The following ADGRL1 variants were observed in gnomAD, a reference collection of about 807,000 sequenced individuals.
ADGRL1 encodes adhesion G protein-coupled receptor L1.
A neutral mutation model predicts 148.9 loss-of-function variants in ADGRL1; 31 were observed. The observed-to-expected ratio is 0.21, with a 90% CI of 0.16 to 0.28. The LOEUF (loss-of-function observed/expected upper bound fraction) is 0.28, where lower values mean the gene tolerates loss of function less well. Ranked by LOEUF, ADGRL1 falls within the 10% of genes least tolerant of loss-of-function variation. ADGRL1 has a pLI of 1.00. For missense variants in ADGRL1, 1,521 were observed against 2,058.8 expected (o/e 0.74, Z 5.05); for synonymous variants, 937 against 900.3 (o/e 1.04, Z -0.73).
intron 1 of ADGRL1, among the ~76,000 whole-genome samples, chr19:14,196,300 A>G (rs1378926668): frequency 6.6e-6 from 1 of 152,176 alleles, no homozygotes. Context: ...CACTCGACCA[A>G]AAGCCAAAGT....
intron 4 of ADGRL1, 59 bp from the exon 5 acceptor site, chr19:14,163,465 G>GGAGGGA (rs1472401156): frequency 2.3e-4 from 164 of 702,326 alleles, no homozygotes; most frequent in Non-Finnish European, 3.4e-4. Context: ...GCGAGAGGGA[G>GGAGGGA]GAGAGAGAGA....
Position 14,163,386 on chromosome 19 carries a change from G to A in ADGRL1, c.415C>T (p.Leu139=). ...GAGGTGGGCTCCAGCACCTTCTGCAGGGTCCCTGGGCACACGAAGACTGGG... is the reference window on the plus strand; with the variant it reads ...GAGGTGGGCTCCAGCACCTTCTGCAAGGTCCCTGGGCACACGAAGACTGGG... ...VPYIFVCPGT[L]QKVLEPTSTH... Residue 139 remains leucine, a synonymous_variant, in exon 5 of 23, where the codon CTG becomes TTG. Coordinates refer to ENST00000361434, the MANE Select transcript of ADGRL1 (RefSeq NM_014921.5). 5 of 1,571,954 alleles carry A rather than the reference G, an allele frequency of 3.2e-6. No homozygotes were observed. Among genetic ancestry groups the A allele is most frequent in the Middle Eastern group, 1.7e-4 (1 of 5,986 alleles).
intron 4 of ADGRL1, chr19:14,169,167 G>A (rs1003469094): frequency 1.3e-5 from 2 of 152,284 alleles, no homozygotes; most frequent in African/African-American, 4.8e-5. Context: ...GGGGCGGCGG[G>A]TGAAGACGAA....
At position 14,159,085 on chromosome 19, in the gene ADGRL1, C is replaced by T; in HGVS notation, c.2149+5G>A. On this transcript the variant is annotated splice_donor_5th_base_variant and intron_variant, in intron 11 of 22. Coordinates refer to ENST00000361434, the MANE Select transcript of ADGRL1 (RefSeq NM_014921.5). This position sits in a 1 kb window ranked among gnomAD's most constrained non-coding sequence, Gnocchi z 6.0. ...CCCACCCGAGGCCCCGCCGGGGACA[C>T]TGACCATTGCGGCTGTTCTGCTTGA... The T allele has an allele frequency of 6.2e-7, 1 of 1,613,708 alleles. No individual in the cohort carries two copies. Among genetic ancestry groups the T allele is most frequent in the Non-Finnish European group, 8.5e-7 (1 of 1,180,010 alleles).
At chr19:14,201,998 G>T (rs1972643396) in intron 1 of ADGRL1, among the ~76,000 whole-genome samples, 1 of 152,266 alleles carries the variant, frequency 6.6e-6, no homozygotes, top group East Asian at 1.9e-4. Context: ...GGGAGAAAAA[G>T]CCTCGAAAAT....
chr19:14,162,736 G>A lies in ADGRL1; in HGVS notation c.1065C>T (p.Leu355=), dbSNP rs757784790. Residue 355 remains leucine (L), a synonymous_variant, in exon 5 of 23, where the codon CTC becomes CTT. Coordinates refer to ENST00000361434, the MANE Select transcript of ADGRL1 (RefSeq NM_014921.5). The surrounding 1 kb of genome is among the most constrained non-coding windows in gnomAD (Gnocchi z 5.4). ...TNANREEPVS[L]TFPNPYQFIS... ...TGAACTGGTAGGGGTTGGGGAAGGTGAGGCTGACAGGCTCCTCGCGGTTGG... is the reference window on the plus strand; with the variant it reads ...TGAACTGGTAGGGGTTGGGGAAGGTAAGGCTGACAGGCTCCTCGCGGTTGG... 5 of 1,614,228 alleles carry A rather than the reference G, an allele frequency of 3.1e-6. No individual in the cohort carries two copies. The highest frequency in any genetic ancestry group is 4.2e-6 in the Non-Finnish European group (5 of 1,180,044).
In ADGRL1 at chr19:14,149,922, CTTTTTTTTTTTTTTTGTCTTTT is replaced by C. The variant is rs1254162293; in HGVS notation, c.*929_*950del. 1 of 122,724 alleles carries C rather than the reference CTTTTTTTTTTTTTTTGTCTTTT, an allele frequency of 8.1e-6. No homozygotes were observed. Among genetic ancestry groups the C allele is most frequent in the Non-Finnish European group, 1.7e-5 (1 of 57,784 alleles). The allele number at this position is 122,724 out of a possible 1,614,324, so 7.6% of individuals were successfully genotyped here. ...CAAGTGATGAGATTTTTTTTCTTTT[CTTTTTTTTTTTTTTTGTCTTTT>C]TTTTTTCTTTTCCATTTCGTTGAAA... On this transcript the variant is annotated 3_prime_UTR_variant, in exon 23 of 23. Transcript: ENST00000361434.
At chr19:14,175,101 C>T (rs1970729919) in intron 3 of ADGRL1, among the ~76,000 whole-genome samples, 1 of 152,218 alleles carries the variant, frequency 6.6e-6, no homozygotes, top group Non-Finnish European at 1.5e-5. Context: ...CCTCAGCCTC[C>T]CAAAGTTCTG....
intron 4 of ADGRL1, 107 bp downstream of exon 4, chr19:14,170,575 G>A: frequency 1.5e-6 from 1 of 672,148 alleles, no homozygotes; most frequent in Non-Finnish European, 2.7e-6. Context: ...TCCCCACTGT[G>A]CCCAGGCCCC....
intron 18 of ADGRL1, among the ~76,000 whole-genome samples, chr19:14,153,928 G>A (rs1326090075): frequency 5.9e-5 from 9 of 151,356 alleles, no homozygotes; most frequent in South Asian, 2.1e-4. Flanking sequence ...GGGACAGAAC[G>A]AGACTCTGTC....
chr19:14,160,386 C>T lies in ADGRL1; in HGVS notation c.1615-89G>A. The T allele has an allele frequency of 8.0e-7, 1 of 1,244,774 alleles. No individual in the cohort carries two copies. Among genetic ancestry groups the T allele is most frequent in the Non-Finnish European group, 1.1e-6 (1 of 894,374 alleles). 77.1% of individuals were successfully genotyped at this position (1,244,774 alleles called of 1,614,324 possible). A position where few individuals can be genotyped will look rare whatever the true frequency, so the allele number is the denominator to read the frequency against. On this transcript the variant is annotated intron_variant, in intron 7 of 22. Transcript: ENST00000361434. This position sits in a 1 kb window ranked among gnomAD's most constrained non-coding sequence, Gnocchi z 5.9. ...GGCTTCCCTGGCCTGTGCAGCCTCTCCTATCTCTCTCTCCACTTCCCCATC... is the reference window on the plus strand; with the variant it reads ...GGCTTCCCTGGCCTGTGCAGCCTCTTCTATCTCTCTCTCCACTTCCCCATC...
intron 1 of ADGRL1, among the ~76,000 whole-genome samples, chr19:14,204,488 G>A (rs1972829630): frequency 6.6e-6 from 1 of 152,036 alleles, no homozygotes; most frequent in Non-Finnish European, 1.5e-5. Flanking sequence ...CTGGGGTCAG[G>A]TTAGACTCAT....
Position 14,161,875 on chromosome 19 carries a change from A to C in ADGRL1, c.1196-249T>G, listed in dbSNP as rs1969427274. 6.6e-6 allele frequency among the ~76,000 whole-genome samples: 1 copy of C among 152,154 alleles called. No individual in the cohort carries two copies. The highest frequency in any genetic ancestry group is 2.1e-4 in the South Asian group (1 of 4,830). The stretch of plus-strand genomic sequence containing the variant: ...TCCACGATGTGTACCATAAGGTCTG[A>C]GAGAACGGTCAGGGGAGAGGCAGGG... On this transcript the variant is annotated intron_variant, in intron 5 of 22. Coordinates refer to ENST00000361434, the MANE Select transcript of ADGRL1 (RefSeq NM_014921.5). The surrounding 1 kb of genome is among the most constrained non-coding windows in gnomAD (Gnocchi z 4.4).
chr19:14,200,213 T>A (rs978456339), intron 1 of ADGRL1, among the ~76,000 whole-genome samples: 4 of 152,246 alleles, frequency 2.6e-5, no homozygotes, highest in African/African-American at 9.6e-5. Context: ...CGTGCCTATA[T>A]GTTTGAATAA....
At chr19:14,175,080 C>T (rs1970728678) in intron 3 of ADGRL1, among the ~76,000 whole-genome samples, 2 of 151,932 alleles carry the variant, frequency 1.3e-5, no homozygotes, top group African/African-American at 2.4e-5. Flanking sequence ...TGACCTAAAG[C>T]GATCCCCCTG....
intron 12 of ADGRL1, 85 bp from the exon 13 acceptor site, chr19:14,158,137 T>C: frequency 3.5e-6 from 5 of 1,433,888 alleles, no homozygotes; most frequent in Non-Finnish European, 4.8e-6. Flanking sequence ...GCAACAGGGA[T>C]GGTACCAAGT....
At chr19:14,193,448 A>G (rs537646795) in intron 1 of ADGRL1, among the ~76,000 whole-genome samples, 201 of 152,098 alleles carry the variant, frequency 1.3e-3, no homozygotes, top group African/African-American at 4.4e-3. Flanking sequence ...TTAGCCGAGC[A>G]CGGTGGCACG....
rs1968043209 is a variant in ADGRL1 at position 14,150,330 on chromosome 19, C to T, written c.*543G>A. ...CCGCCCAGTCCCCCTGCCCTGCGGC[C>T]TTTTCCCAGTCTCCAGGGAGCAGGG... On this transcript the variant is annotated 3_prime_UTR_variant, in exon 23 of 23. Transcript: ENST00000361434. 1 of 153,232 alleles carries T rather than the reference C, an allele frequency of 6.5e-6. No individual in the cohort carries two copies. The highest frequency in any genetic ancestry group is 2.4e-5 in the African/African-American group (1 of 41,442). 9.5% of individuals were successfully genotyped at this position (153,232 alleles called of 1,614,324 possible).
Position 14,160,745 on chromosome 19 carries a change from G to A in ADGRL1, c.1511-49C>T, listed in dbSNP as rs1315173648. The A allele has an allele frequency of 5.5e-6, 6 of 1,081,996 alleles. No individual in the cohort carries two copies. Among genetic ancestry groups the A allele is most frequent in the East Asian group, 4.8e-5 (2 of 42,058 alleles). 67.0% of individuals were successfully genotyped at this position (1,081,996 alleles called of 1,614,324 possible). A position where few individuals can be genotyped will look rare whatever the true frequency, so the allele number is the denominator to read the frequency against. On this transcript the variant is annotated intron_variant, in intron 6 of 22. Coordinates refer to ENST00000361434, the MANE Select transcript of ADGRL1 (RefSeq NM_014921.5). The surrounding 1 kb of genome is among the most constrained non-coding windows in gnomAD (Gnocchi z 5.9). ...CAGACAAGGGAGCCAAAGGGAAGAA[G>A]AGAAGGATGGGACAGAGAGGGGGAA...
Sources: gnomAD v4.1 joint callset for allele counts (sites outside exome capture counted in the v4.1 genomes callset) on GRCh38, gnomAD v4.1.1 for gene constraint, Gnocchi (gnomAD v3.1) non-coding constraint, MANE v1.5 for transcripts, NCBI Gene and HGNC (gene_info 2026-07-23, HGNC 2026-07-21) for gene names.